Variants in SSUH2 observed in about 807,000 individuals in gnomAD.
SSUH2 encodes the protein protein SSUH2 homolog.
Under a neutral mutation model 55.3 loss-of-function variants are expected in SSUH2, and 47 were observed. That is an observed-to-expected ratio of 0.85 (90% CI 0.67 to 1.08). The LOEUF is 1.08. Among genes scored for constraint, SSUH2 ranks in the 50% least tolerant of loss-of-function variants. SSUH2 has a pLI of 0.00. For missense variants in SSUH2, 535 were observed against 490.7 expected (o/e 1.09, Z -0.85); for synonymous variants, 212 against 191.5 (o/e 1.11, Z -0.89).
intron 3 of SSUH2, 33 bp downstream of exon 3, chr3:8,635,256 ACATAGGAAATG>A: frequency 6.8e-7 from 1 of 1,474,456 alleles, no homozygotes; most frequent in Non-Finnish European, 9.1e-7. Context: ...GGCAATAGTG[ACATAGGAAATG>A]CACACAGTCA....
chr3:8,633,310 A>AT (rs1265853606), intron 4 of SSUH2, among the ~76,000 whole-genome samples: 1 of 151,852 alleles, frequency 6.6e-6, no homozygotes, highest in African/African-American at 2.4e-5. Flanking sequence ...CGCCCGGCTA[A>AT]TTTTTGTATT....
rs760386600 is a variant in SSUH2, at chr3:8,630,862, A to T, written c.468T>A (p.Pro156=). The stretch of plus-strand genomic sequence containing the variant: ...TCCTGGTGTCTTCCTGAAACATCGG[A>T]GGACCTTGAACCTTGATGTCCCAGA... The part of the protein sequence containing the change: ...PRLWDIKVQG[P]PMFQEDTRKF... Residue 156 remains proline (P), a synonymous_variant, in exon 6 of 12, where the codon CCT becomes CCA. Transcript: ENST00000544814. The T allele has an allele frequency of 2.0e-6, 3 of 1,511,078 alleles. No homozygotes were observed. Among genetic ancestry groups the T allele is most frequent in the Non-Finnish European group, 2.7e-6 (3 of 1,130,096 alleles). The allele number at this position is 1,511,078 out of a possible 1,614,324, so 93.6% of individuals were successfully genotyped here.
chr3:8,646,142 T>G (rs73125174), upstream of SSUH2, among the ~76,000 whole-genome samples: 1 of 152,198 alleles, frequency 6.6e-6, no homozygotes, highest in Non-Finnish European at 1.5e-5. Context: ...TATCATGAAT[T>G]TGTATGCCTT....
chr3:8,642,723 A>G lies in SSUH2; in HGVS notation c.28+2008T>C, dbSNP rs192361820. Among the ~76,000 whole-genome samples the G allele has an allele frequency of 7.2e-5, 11 of 152,304 alleles. No individual in the cohort carries two copies. The East Asian group carries it at 2.1e-3, about 29-fold the overall frequency. ...TATAGACCTGAAAAGTGATGGGACA[A>G]CACTATAGTGCCTGGAACATTAACT... On this transcript the variant is annotated intron_variant, in intron 1 of 11. Coordinates refer to ENST00000544814, the MANE Select transcript of SSUH2 (RefSeq NM_001256748.3).
chr3:8,619,721 G>A lies in SSUH2; in HGVS notation c.*147C>T, dbSNP rs1392066979. 1 of 869,462 alleles carries A rather than the reference G, an allele frequency of 1.2e-6. No individual in the cohort carries two copies. The highest frequency in any genetic ancestry group is 1.7e-6 in the Non-Finnish European group (1 of 575,612). 53.9% of individuals were successfully genotyped at this position (869,462 alleles called of 1,614,324 possible). ...GGAGCTGTATAAGGGGTTGGAGCTT[G>A]ATAGATGATAAGCTGGTTTTTCTGG... On this transcript the variant is annotated 3_prime_UTR_variant, in exon 12 of 12. Coordinates refer to ENST00000544814, the MANE Select transcript of SSUH2 (RefSeq NM_001256748.3).
At chr3:8,667,312 A>G (rs1321794371) in intron 5 of SSUH2, among the ~76,000 whole-genome samples, 2 of 152,298 alleles carry the variant, frequency 1.3e-5, no homozygotes, top group East Asian at 3.9e-4. Flanking sequence ...GCCATTCATA[A>G]ACTGTCATGG....
intron 7 of SSUH2, among the ~76,000 whole-genome samples, chr3:8,654,122 G>A (rs1490663502): frequency 6.6e-6 from 1 of 152,194 alleles, no homozygotes; most frequent in Non-Finnish European, 1.5e-5. Flanking sequence ...TCTGGTGAGG[G>A]CTCTCATCCT....
intron 6 of SSUH2, chr3:8,659,389 CT>C: frequency 1.3e-5 from 2 of 156,836 alleles, no homozygotes; most frequent in African/African-American, 2.4e-5. Context: ...ATCCACATAA[CT>C]TTTCCCATCC....
chr3:8,680,582 T>C (rs530919740), intron 1 of SSUH2, among the ~76,000 whole-genome samples: 44 of 152,106 alleles, frequency 2.9e-4, no homozygotes, highest in Middle Eastern at 3.4e-3. Context: ...TTAGAAACAA[T>C]ATCAGTGAGG....
chr3:8,672,850 G>A (rs529888558), intron 3 of SSUH2, among the ~76,000 whole-genome samples: 10 of 152,050 alleles, frequency 6.6e-5, no homozygotes, highest in African/African-American at 2.4e-4. Flanking sequence ...TGGGAGTAAC[G>A]TCATACGCCA....
At chr3:8,644,576 A>G (rs1171145916) in intron 1 of SSUH2, among the ~76,000 whole-genome samples, 155 bp downstream of exon 1, 1 of 152,190 alleles carries the variant, frequency 6.6e-6, no homozygotes, top group Non-Finnish European at 1.5e-5. Flanking sequence ...TTTAGGGCAG[A>G]TGGAAGAGTT....
intron 11 of SSUH2, among the ~76,000 whole-genome samples, chr3:8,622,247 G>A (rs1340302563): frequency 6.6e-6 from 1 of 152,136 alleles, no homozygotes; most frequent in African/African-American, 2.4e-5. Context: ...AAGATTCAGA[G>A]AAGTGACCTC....
chr3:8,661,702 T>C (rs1194368327), intron 6 of SSUH2, among the ~76,000 whole-genome samples: 1 of 152,196 alleles, frequency 6.6e-6, no homozygotes, highest in African/African-American at 2.4e-5. Context: ...GAGGGCCAGG[T>C]AATACTGTAT....
intron 6 of SSUH2, 116 bp downstream of exon 6, chr3:8,630,689 C>A: frequency 3.1e-6 from 3 of 958,008 alleles, no homozygotes; most frequent in African/African-American, 1.7e-5. Flanking sequence ...ACAAATGAAG[C>A]ACCGGCCTGA....
At chr3:8,631,033 G>A (rs531754910) in intron 5 of SSUH2, 104 bp from the exon 6 acceptor site, 12 of 1,202,422 alleles carry the variant, frequency 1.0e-5, no homozygotes, top group Non-Finnish European at 1.3e-5. Flanking sequence ...CCAGGCATGA[G>A]TCTAGATCCT....
chr3:8,669,594 G>A (rs1266582271), intron 5 of SSUH2, among the ~76,000 whole-genome samples: 1 of 152,168 alleles, frequency 6.6e-6, no homozygotes, highest in Non-Finnish European at 1.5e-5. Flanking sequence ...ACTTTGAGTG[G>A]GGAAAGCAGA....
rs570647236 is a variant in SSUH2, at chr3:8,681,520, G to A, written c.-1046+371C>T. Among the ~76,000 whole-genome samples the A allele has an allele frequency of 1.1e-4, 14 of 131,234 alleles. 1 individual carries two copies. In the South Asian group the frequency reaches 1.5e-3, roughly 14 times the overall value. The allele number at this position is 131,234 out of a possible 152,430, so 86.1% of individuals were successfully genotyped here. ...CGAGGCGGGGACTGAGAGCCAGTCC[G>A]TCTTCCCCCCTGGCTCTTCGGACCC... On this transcript the variant is annotated intron_variant, in intron 1 of 18. Coordinates refer to the SSUH2 transcript ENST00000317371.
intron 6 of SSUH2, among the ~76,000 whole-genome samples, chr3:8,662,426 C>T (rs1001236163): frequency 3.9e-5 from 6 of 152,148 alleles, no homozygotes; most frequent in African/African-American, 7.2e-5. Flanking sequence ...AATGGCAGGA[C>T]CCAGAGTGGC....
chr3:8,659,688 T>C (rs365559), intron 6 of SSUH2: 56,690 of 441,850 alleles, frequency 0.13, 4,269 homozygotes, highest in Middle Eastern at 0.19. Context: ...TGGGATCCAG[T>C]ATTCATCCAT....
Sources: gnomAD v4.1 joint callset for allele counts (sites outside exome capture counted in the v4.1 genomes callset) on GRCh38, gnomAD v4.1.1 for gene constraint, MANE v1.5 for transcripts, NCBI Gene and HGNC (gene_info 2026-07-23, HGNC 2026-07-21) for gene names.